The following GPBP1 variants were observed in gnomAD, a reference collection of about 807,000 sequenced individuals.
GPBP1 encodes vasculin.
GPBP1 carries 13 observed loss-of-function variants against 56.5 expected under a neutral mutation model. The ratio of observed to expected loss-of-function variants is 0.23; its 90% CI spans 0.15 to 0.37. The LOEUF (loss-of-function observed/expected upper bound fraction) is 0.37. Ranked by LOEUF, GPBP1 falls within the 10% of genes least tolerant of loss-of-function variation. GPBP1 has a pLI of 1.00. For synonymous variants in GPBP1, 204 were observed against 188.9 expected (o/e 1.08, Z -0.66); for missense variants, 477 against 572.3 (o/e 0.83, Z 1.70).
rs190320210 is a variant in GPBP1 at position 57,241,159 on chromosome 5, A to T, written c.478+5127A>T. Among the ~76,000 whole-genome samples the T allele has an allele frequency of 1.5e-3, 223 of 152,334 alleles. 1 individual carries two copies. The highest frequency in any genetic ancestry group is 4.1e-3 in the Admixed American group (62 of 15,292). The stretch of plus-strand genomic sequence containing the variant: ...AAGAATGAAGTAGTTAAATGTAGTG[A>T]TTGAGTCAGAAACTTCATGTATGTA... On this transcript the variant is annotated intron_variant, in intron 6 of 11. Coordinates refer to ENST00000506184, the MANE Select transcript of GPBP1 (RefSeq NM_022913.4).
intron 2 of GPBP1, among the ~76,000 whole-genome samples, chr5:57,180,167 A>G (rs1034124140): frequency 1.3e-5 from 2 of 152,202 alleles, no homozygotes; most frequent in African/African-American, 4.8e-5. Context: ...CAGGCTGGAA[A>G]GCAGTGGCAC....
At chr5:57,213,485 A>T (rs888862956) in intron 2 of GPBP1, among the ~76,000 whole-genome samples, 3 of 140,920 alleles carry the variant, frequency 2.1e-5, no homozygotes, top group African/African-American at 8.1e-5. Context: ...TTTTTTTTTT[A>T]AGATTGATTT....
At chr5:57,192,523 G>A (rs1754569556) in intron 2 of GPBP1, among the ~76,000 whole-genome samples, 1 of 152,086 alleles carries the variant, frequency 6.6e-6, no homozygotes, top group African/African-American at 2.4e-5. Flanking sequence ...GGAGGCTGAG[G>A]TAGGTGGATC....
chr5:57,221,490 C>A, intron 3 of GPBP1: 1 of 784,472 alleles, frequency 1.3e-6, no homozygotes, highest in South Asian at 1.6e-5. Flanking sequence ...ACAAAATAAT[C>A]CCTGTAAACA....
chr5:57,178,463 CT>C (rs1353663778), intron 2 of GPBP1, among the ~76,000 whole-genome samples: 1 of 152,136 alleles, frequency 6.6e-6, no homozygotes, highest in Non-Finnish European at 1.5e-5. Context: ...TCAGGCTGGC[CT>C]TGAACTCCTG....
At chr5:57,234,528 A>T (rs1005503478) in intron 5 of GPBP1, among the ~76,000 whole-genome samples, 3 of 152,190 alleles carry the variant, frequency 2.0e-5, no homozygotes, top group Admixed American at 2.0e-4. Context: ...AAGTGAAGCC[A>T]CGAATTTGAG....
intron 8 of GPBP1, chr5:57,248,756 G>T (rs1741222821): frequency 6.6e-6 from 1 of 152,148 alleles, no homozygotes; most frequent in African/African-American, 2.4e-5. Context: ...CAGAATTTTT[G>T]AGCTTTGAGG....
intron 2 of GPBP1, among the ~76,000 whole-genome samples, chr5:57,197,139 C>T (rs1021477440): frequency 2.6e-5 from 4 of 152,086 alleles, no homozygotes; most frequent in Non-Finnish European, 5.9e-5. Context: ...ATCTTAAATT[C>T]CTGACCTCAA....
At chr5:57,182,005 A>AAT (rs139470222) in intron 2 of GPBP1, among the ~76,000 whole-genome samples, 1,973 of 152,188 alleles carry the variant, frequency 0.013, 43 homozygotes, top group African/African-American at 0.044. Flanking sequence ...TATGTCATTT[A>AAT]GTTTCTTGGT....
rs558295760 is a variant in GPBP1, at chr5:57,188,143, C to G, written c.-58+11743C>G. Among the ~76,000 whole-genome samples, 82 of 151,234 alleles carry G rather than the reference C, an allele frequency of 5.4e-4. No individual in the cohort carries two copies. In the South Asian group the frequency reaches 7.1e-3, roughly 13 times the overall value. ...CCTGTAGTCCCAGCTACACAGGAGG[C>G]TAAGGCAAGAGAATCGCTTGATCTC... On this transcript the variant is annotated intron_variant, in intron 2 of 11. Coordinates refer to ENST00000506184, the MANE Select transcript of GPBP1 (RefSeq NM_022913.4).
At chr5:57,200,174 CT>C (rs1754948647) in intron 2 of GPBP1, among the ~76,000 whole-genome samples, 1 of 137,584 alleles carries the variant, frequency 7.3e-6, no homozygotes, top group African/African-American at 2.6e-5. Flanking sequence ...TCCTTCCTCT[CT>C]TTCCTTTTCT....
intron 2 of GPBP1, among the ~76,000 whole-genome samples, chr5:57,205,567 T>G (rs1311849021): frequency 6.7e-6 from 1 of 150,038 alleles, no homozygotes; most frequent in Non-Finnish European, 1.5e-5. Flanking sequence ...ACATCTTTGC[T>G]AACATTTATT....
chr5:57,202,979 C>G (rs555747910), intron 2 of GPBP1, among the ~76,000 whole-genome samples: 28 of 152,230 alleles, frequency 1.8e-4, no homozygotes, highest in African/African-American at 5.5e-4. Context: ...CAGTCAGATT[C>G]AGTTTGTGAG....
rs201993755 is a variant in GPBP1 at position 57,251,575 on chromosome 5, CT to C, written c.1160+450del. On this transcript the variant is annotated intron_variant, in intron 10 of 11. Transcript: ENST00000506184. ...TGATGAATATTAGTTGTTTCCACCT[CT>C]TTTTTTTTTTTTTTTAACAGTAGGC... Among the ~76,000 whole-genome samples the C allele has an allele frequency of 8.9e-3, 1,179 of 133,186 alleles. 8 individuals are homozygous for C. Among genetic ancestry groups the C allele is most frequent in the Non-Finnish European group, 8.8e-3 (537 of 61,316 alleles). The allele number at this position is 133,186 out of a possible 152,430, so 87.4% of individuals were successfully genotyped here.
chr5:57,249,369 T>G, intron 8 of GPBP1, 40 bp from the exon 9 acceptor site: 1 of 1,474,306 alleles, frequency 6.8e-7, no homozygotes, highest in Non-Finnish European at 9.2e-7. Flanking sequence ...CATTGATTCC[T>G]TGGCTACATA....
chr5:57,197,888 G>C (rs972919798), intron 2 of GPBP1, among the ~76,000 whole-genome samples: 5 of 151,870 alleles, frequency 3.3e-5, no homozygotes, highest in Non-Finnish European at 7.4e-5. Context: ...TTAAGAATGA[G>C]GCAATAAAAA....
chr5:57,215,325 G>A (rs1243416345), intron 3 of GPBP1, among the ~76,000 whole-genome samples: 1 of 152,210 alleles, frequency 6.6e-6, no homozygotes, highest in Non-Finnish European at 1.5e-5. Flanking sequence ...GCAGAGTAAA[G>A]GGTTTGTGCA....
In GPBP1 at chr5:57,247,269, T is replaced by C. The variant is rs1366408838; in HGVS notation, c.804+54T>C. On this transcript the variant is annotated intron_variant, in intron 8 of 11. Coordinates refer to ENST00000506184, the MANE Select transcript of GPBP1 (RefSeq NM_022913.4). ...ATGTAACATTTTAATTATGATAGTTTAACAGTGAATAAAAGGTAGAAATTC... is the reference window on the plus strand; with the variant it reads ...ATGTAACATTTTAATTATGATAGTTCAACAGTGAATAAAAGGTAGAAATTC... 3 of 1,371,322 alleles carry C rather than the reference T, an allele frequency of 2.2e-6. No individual in the cohort carries two copies. In the African/African-American group the frequency reaches 4.4e-5, roughly 20 times the overall value. 84.9% of individuals were successfully genotyped at this position (1,371,322 alleles called of 1,614,324 possible). A position where few individuals can be genotyped will look rare whatever the true frequency, so the allele number is the denominator to read the frequency against.
intron 2 of GPBP1, among the ~76,000 whole-genome samples, chr5:57,212,893 A>C (rs891169219): frequency 2.6e-5 from 4 of 151,450 alleles, no homozygotes; most frequent in Non-Finnish European, 5.9e-5. Flanking sequence ...GGCTGGTCTT[A>C]AACTCCTGAC....
Sources: allele counts gnomAD v4.1 joint callset (sites outside exome capture counted in the v4.1 genomes callset), GRCh38; gene constraint gnomAD v4.1.1; transcripts MANE v1.5; gene names NCBI Gene and HGNC (gene_info 2026-07-23, HGNC 2026-07-21).